The following CEACAM21 variants were observed in gnomAD, a reference collection of about 807,000 sequenced individuals.
The protein encoded by CEACAM21 is CEA cell adhesion molecule 21, also known as cell adhesion molecule CEACAM21.
A neutral mutation model predicts 33.2 loss-of-function variants in CEACAM21; 38 were observed. That is an observed-to-expected ratio of 1.14 (90% CI 0.88 to 1.50). CEACAM21 has a LOEUF of 1.50. CEACAM21 is among the 40% of genes most tolerant of loss of function. The pLI is 0.00. For missense variants in CEACAM21, 385 were observed against 364.6 expected, an observed-to-expected ratio of 1.06 and a Z score of -0.46; for synonymous variants, 156 against 143.0, an observed-to-expected ratio of 1.09 and a Z score of -0.65.
intron 1 of CEACAM21, 41 bp from the exon 2 acceptor site, chr19:41,577,159 G>A (rs781800252): frequency 1.9e-6 from 3 of 1,612,068 alleles, no homozygotes; most frequent in Admixed American, 1.7e-5. Flanking sequence ...CCATGCCAAT[G>A]CATAGGTCAA....
At chr19:41,557,472 G>A (rs1026403844) in intron 1 of CEACAM21, among the ~76,000 whole-genome samples, 30 of 152,184 alleles carry the variant, frequency 2.0e-4, no homozygotes, top group African/African-American at 7.0e-4. Flanking sequence ...GTGGGGTCCT[G>A]TCGGGTTCGA....
chr19:41,582,445 T>G (rs1445431955), intron 3 of CEACAM21, among the ~76,000 whole-genome samples: 1 of 152,226 alleles, frequency 6.6e-6, no homozygotes, highest in Non-Finnish European at 1.5e-5. Flanking sequence ...GTAGGGACTC[T>G]GTGTCGGGGT....
chr19:41,550,722 A>G (rs1555784001), intron 1 of CEACAM21: 1 of 152,220 alleles, frequency 6.6e-6, no homozygotes, highest in African/African-American at 2.4e-5. Flanking sequence ...TAGTGTGCCC[A>G]GATCGCACGA....
intron 1 of CEACAM21, chr19:41,550,035 G>A (rs935555023): frequency 1.9e-4 from 29 of 152,250 alleles, no homozygotes; most frequent in African/African-American, 5.8e-4. Flanking sequence ...TGACGAGTGC[G>A]ATGAGAAGCA....
intron 3 of CEACAM21, among the ~76,000 whole-genome samples, chr19:41,583,526 T>C (rs1568619609): frequency 6.6e-6 from 1 of 152,182 alleles, no homozygotes; most frequent in Non-Finnish European, 1.5e-5. Flanking sequence ...TACCTGAGAC[T>C]TGGTAATGTA....
intron 1 of CEACAM21, chr19:41,555,433 A>C (rs1161135616): frequency 6.6e-6 from 1 of 151,874 alleles, no homozygotes; most frequent in Non-Finnish European, 1.5e-5. Flanking sequence ...AGATTAGATA[A>C]ATAGTTTTTA....
Position 41,568,224 on chromosome 19 carries a change from G to A in CEACAM21, c.-404+3168G>A, listed in dbSNP as rs189354065. Among the ~76,000 whole-genome samples, 94 of 152,058 alleles carry A rather than the reference G, an allele frequency of 6.2e-4. 1 individual carries two copies. The highest frequency in any genetic ancestry group is 2.2e-3 in the African/African-American group (92 of 41,442). On this transcript the variant is annotated intron_variant, in intron 2 of 7. Coordinates refer to the CEACAM21 transcript ENST00000407170. ...TTACAAATATATTCTCCTCCCATTT[G>A]TAGGTTGTCTCTTTGCTCTGCTGGC...
rs1216033057 is a variant in CEACAM21 at position 41,554,510 on chromosome 19, CAT to C, written c.-779+4961_-779+4962del. Reference sequence around the variant, plus strand: ...ATAACTTTGGAACCCTCATCAATAACATATTTATAGAAATATAGCCCAAAGAA... The same window carrying C: ...ATAACTTTGGAACCCTCATCAATAACATTTATAGAAATATAGCCCAAAGAA... On this transcript the variant is annotated intron_variant, in intron 1 of 7. Coordinates refer to the CEACAM21 transcript ENST00000407170. Among the ~76,000 whole-genome samples the C allele has an allele frequency of 3.3e-5, 5 of 151,968 alleles. 1 individual carries two copies. The highest frequency in any genetic ancestry group is 5.9e-5 in the Non-Finnish European group (4 of 67,916).
Position 41,585,491 on chromosome 19 carries a change from C to T in CEACAM21, c.846C>T (p.Thr282=), listed in dbSNP as rs1555795055. 5.0e-6 allele frequency: 8 copies of T among 1,613,710 alleles called. No homozygotes were observed. Among genetic ancestry groups the T allele is most frequent in the South Asian group, 2.2e-5 (2 of 91,090 alleles). The stretch of plus-strand genomic sequence containing the variant: ...GGGAGCAGCAGCCCCCAGCCTCCAC[C>T]CCCGGTGAGTGTCCCTTCAGTCTGG... ...DFREQQPPAS[T]PGHGPSDSSI... Residue 282 remains threonine, a synonymous_variant, in exon 5 of 7, where the codon ACC becomes ACT. Transcript: ENST00000401445.
upstream of CEACAM21, among the ~76,000 whole-genome samples, chr19:41,573,370 C>T (rs1352245405): frequency 6.6e-6 from 1 of 152,154 alleles, no homozygotes; most frequent in African/African-American, 2.4e-5. Flanking sequence ...CCTGCTGGCC[C>T]TTCTGACCCT....
chr19:41,565,816 A>G (rs1555788218), intron 2 of CEACAM21, among the ~76,000 whole-genome samples: 1 of 152,208 alleles, frequency 6.6e-6, no homozygotes, highest in African/African-American at 2.4e-5. Flanking sequence ...CCAATGAAGA[A>G]GATAGGTGAC....
chr19:41,579,797 A>G (rs1203213474), intron 3 of CEACAM21, among the ~76,000 whole-genome samples, 169 bp downstream of exon 3: 1 of 152,144 alleles, frequency 6.6e-6, no homozygotes, highest in Non-Finnish European at 1.5e-5. Context: ...TCCTGGTTAC[A>G]ATAGGTACCA....
intron 1 of CEACAM21, chr19:41,551,536 T>C (rs10153482): frequency 0.44 from 66,905 of 150,518 alleles, 15,765 homozygotes; most frequent in East Asian, 0.56. Flanking sequence ...AGGCTCTCAA[T>C]ATGGAGAGAA....
chr19:41,563,932 A>G (rs554378022), intron 1 of CEACAM21, among the ~76,000 whole-genome samples: 1 of 152,330 alleles, frequency 6.6e-6, no homozygotes, highest in South Asian at 2.1e-4. Flanking sequence ...GGCTTCAGTC[A>G]TCATCCCGCA....
rs2070547977 is a variant in CEACAM21, at chr19:41,584,345, A to G, written c.701-2A>G. The G allele has an allele frequency of 3.1e-6, 5 of 1,609,414 alleles. No individual in the cohort carries two copies. The highest frequency in any genetic ancestry group is 1.7e-6 in the Non-Finnish European group (2 of 1,177,694). On this transcript the variant is annotated splice_acceptor_variant, in intron 3 of 6. Coordinates refer to ENST00000401445, the MANE Select transcript of CEACAM21 (RefSeq NM_001098506.4). LOFTEE classifies it high-confidence loss of function. ...CTCATCCCCTTTGCCTTCTTCTTTC[A>G]GCAGATGACAACACTCTAGGCATCC...
At chr19:41,565,154 T>G (rs2042165674) in intron 2 of CEACAM21, 1 of 152,406 alleles carries the variant, frequency 6.6e-6, no homozygotes, top group South Asian at 2.1e-4. Context: ...AGGGCCGGCC[T>G]GCGTCGAGTT....
intron 3 of CEACAM21, among the ~76,000 whole-genome samples, chr19:41,580,957 T>C (rs1555793322): frequency 6.6e-6 from 1 of 152,240 alleles, no homozygotes; most frequent in East Asian, 1.9e-4. Context: ...CATCAGTCAA[T>C]TATTAGCTTG....
At chr19:41,577,107 A>T in intron 1 of CEACAM21, 93 bp from the exon 2 acceptor site, 1 of 1,421,576 alleles carries the variant, frequency 7.0e-7, no homozygotes, top group Non-Finnish European at 9.8e-7. Flanking sequence ...ACACCCTCTA[A>T]GGCTGAGGGG....
rs1555794927 is a variant in CEACAM21, at chr19:41,585,299, G to A, written c.798-144G>A. On this transcript the variant is annotated intron_variant, in intron 4 of 6. Transcript: ENST00000401445. ...GGCCTTTCCTCAACTCCCCTCACCTGGGCCCCTCCTACCACAGAACTCCAT... is the reference window on the plus strand; with the variant it reads ...GGCCTTTCCTCAACTCCCCTCACCTAGGCCCCTCCTACCACAGAACTCCAT... 6.4e-6 allele frequency: 5 copies of A among 782,156 alleles called. No individual in the cohort carries two copies. The Admixed American group carries it at 8.9e-5, about 14-fold the overall frequency. The allele number at this position is 782,156 out of a possible 1,614,324, so 48.5% of individuals were successfully genotyped here.
Sources: allele counts gnomAD v4.1 joint callset (sites outside exome capture counted in the v4.1 genomes callset), GRCh38; gene constraint gnomAD v4.1.1; transcripts MANE v1.5; gene names NCBI Gene and HGNC (gene_info 2026-07-23, HGNC 2026-07-21).